ZNF407: variants seen among roughly 807,000 people sequenced by gnomAD.
ZNF407 encodes the protein zinc finger protein 407.
Under a neutral mutation model 131.2 loss-of-function variants are expected in ZNF407, and 17 were observed. The ratio of observed to expected loss-of-function variants is 0.13; its 90% CI spans 0.09 to 0.19. The LOEUF (loss-of-function observed/expected upper bound fraction) is 0.19. Ranked by LOEUF, ZNF407 falls within the 10% of genes least tolerant of loss-of-function variation. The probability of loss-of-function intolerance (pLI) is 1.00; values close to 1 mark genes in which losing one functional copy is unlikely to be tolerated. For missense variants in ZNF407, 2,681 were observed against 2,830.6 expected (o/e 0.95, Z 1.20); for synonymous variants, 1,156 against 1,062.0 (o/e 1.09, Z -1.72).
chr18:75,038,234 T>G (rs925937039), intron 8 of ZNF407, among the ~76,000 whole-genome samples: 2 of 152,234 alleles, frequency 1.3e-5, no homozygotes, highest in Non-Finnish European at 2.9e-5. Flanking sequence ...TTAGATTATT[T>G]AAACCCATGT....
intron 8 of ZNF407, among the ~76,000 whole-genome samples, chr18:75,012,346 T>TAGCAGGCTCTGGGG (rs1972987030): frequency 9.5e-6 from 1 of 105,754 alleles, no homozygotes; most frequent in African/African-American, 3.4e-5. Flanking sequence ...ACATAGTGTA[T>TAGCAGGCTCTGGGG]GTACACATAG....
At position 75,063,459 on chromosome 18, in the gene ZNF407, C is replaced by A. The variant is rs746782697; in HGVS notation, c.5738C>A (p.Ala1913Asp). Reference protein sequence around the residue: ...VHITEDGQVIATSQSGAHVGS... With the variant: ...VHITEDGQVIDTSQSGAHVGS... ...ATCACGGAGGATGGCCAGGTCATCG[C>A]CACGAGTCAGAGCGGGGCACATGTA... Residue 1913 changes from alanine to aspartate, a missense_variant, in exon 9 of 9, where the codon GCC becomes GAC. This residue lies in a region of ZNF407 where 620 missense variants were observed against 583.1 expected (regional missense o/e 1.06). Coordinates refer to ENST00000299687, the MANE Select transcript of ZNF407 (RefSeq NM_017757.3). The surrounding 1 kb of genome is among the most constrained non-coding windows in gnomAD (Gnocchi z 6.6). 1.2e-6 allele frequency: 2 copies of A among 1,606,442 alleles called. No individual in the cohort carries two copies. Among genetic ancestry groups the A allele is most frequent in the African/African-American group, 2.7e-5 (2 of 74,804 alleles).
At chr18:74,745,258 G>T (rs1437906653) in intron 3 of ZNF407, among the ~76,000 whole-genome samples, 1 of 152,060 alleles carries the variant, frequency 6.6e-6, no homozygotes, top group African/African-American at 2.4e-5. Flanking sequence ...GTATTTCTTG[G>T]TATTTAAAAG....
At chr18:74,661,604 G>A (rs13381859) in intron 3 of ZNF407, among the ~76,000 whole-genome samples, 10,363 of 151,872 alleles carry the variant, frequency 0.068, 396 homozygotes, top group African/African-American at 0.11. Context: ...TTTCTCAAAA[G>A]CACATTTTTT....
chr18:74,881,523 G>A (rs932950545), intron 6 of ZNF407, among the ~76,000 whole-genome samples: 19 of 151,732 alleles, frequency 1.3e-4, no homozygotes, highest in African/African-American at 3.9e-4. Context: ...CTAATCACCC[G>A]CCTCCCCATT....
intron 4 of ZNF407, among the ~76,000 whole-genome samples, chr18:74,872,876 G>A (rs1017281471): frequency 6.6e-6 from 1 of 151,714 alleles, no homozygotes; most frequent in African/African-American, 2.4e-5. Flanking sequence ...TGAGATGTGT[G>A]CCTATTTTTC....
At chr18:74,877,099 G>T in intron 4 of ZNF407, 98 bp from the exon 5 acceptor site, 1 of 1,014,044 alleles carries the variant, frequency 9.9e-7, no homozygotes, top group East Asian at 2.4e-5. Flanking sequence ...CAGAGGCTGC[G>T]TGTGCACCGC....
chr18:74,814,928 A>G (rs1970246848), intron 4 of ZNF407, among the ~76,000 whole-genome samples: 2 of 152,102 alleles, frequency 1.3e-5, no homozygotes, highest in Middle Eastern at 3.4e-3. Flanking sequence ...AATTCAAAAT[A>G]TCATATTATA....
At chr18:74,652,138 G>A (rs1369108982) in intron 3 of ZNF407, among the ~76,000 whole-genome samples, 1 of 151,998 alleles carries the variant, frequency 6.6e-6, no homozygotes, top group Non-Finnish European at 1.5e-5. Flanking sequence ...CTTTTAAAGA[G>A]GCTTTTGAAA....
rs746813241 is a variant in ZNF407, at chr18:74,957,172, TCCTACCCTGAGTGCAG to T, written c.5428+36482_5428+36497del. On this transcript the variant is annotated intron_variant, in intron 8 of 8. Transcript: ENST00000299687. ...TGTGGACGTGGGACTCCAGGATGCC[TCCTACCCTGAGTGCAG>T]CTGAAGGTTGCCTTTTCTCATGCCC... 2.5e-3 allele frequency among the ~76,000 whole-genome samples: 381 copies of T among 152,190 alleles called. 1 individual carries two copies. The highest frequency in any genetic ancestry group is 4.7e-3 in the Non-Finnish European group (321 of 67,992).
At chr18:74,805,497 A>G (rs1182741092) in intron 4 of ZNF407, among the ~76,000 whole-genome samples, 3 of 152,234 alleles carry the variant, frequency 2.0e-5, no homozygotes, top group Admixed American at 6.5e-5. Flanking sequence ...CAACATAAGC[A>G]TACTGTTAAA....
intron 4 of ZNF407, among the ~76,000 whole-genome samples, chr18:74,872,871 T>A (rs1332340787): frequency 6.6e-6 from 1 of 152,056 alleles, no homozygotes; most frequent in Non-Finnish European, 1.5e-5. Context: ...ATATGTGAGA[T>A]GTGTGCCTAT....
intron 8 of ZNF407, among the ~76,000 whole-genome samples, chr18:75,008,120 C>T (rs1056748182): frequency 2.6e-5 from 4 of 152,134 alleles, no homozygotes. Flanking sequence ...AATGCCATGC[C>T]AAGGAGTTTA....
In ZNF407 at chr18:74,779,184, C is replaced by T. The variant is rs575391195; in HGVS notation, c.4803-2244C>T. 4.1e-4 allele frequency among the ~76,000 whole-genome samples: 57 copies of T among 137,560 alleles called. No individual in the cohort carries two copies. In the East Asian group the frequency reaches 8.2e-3, roughly 20 times the overall value. 90.2% of individuals were successfully genotyped at this position (137,560 alleles called of 152,430 possible). A position where few individuals can be genotyped will look rare whatever the true frequency, so the allele number is the denominator to read the frequency against. ...AGGCTGGAGTGCAGTGGCGCAATCT[C>T]GGCTCACTGCAAGCTCCGCCTCCCG... On this transcript the variant is annotated intron_variant, in intron 3 of 8. Coordinates refer to ENST00000299687, the MANE Select transcript of ZNF407 (RefSeq NM_017757.3).
chr18:75,021,036 G>A (rs1041984515), intron 8 of ZNF407, among the ~76,000 whole-genome samples: 10 of 152,116 alleles, frequency 6.6e-5, no homozygotes, highest in African/African-American at 2.2e-4. Context: ...ACCAGCCATA[G>A]GAGGTAGATA....
At chr18:74,616,696 TTTGTTG>T (rs1983301764) in intron 1 of ZNF407, among the ~76,000 whole-genome samples, 3 of 151,706 alleles carry the variant, frequency 2.0e-5, no homozygotes, top group Admixed American at 1.3e-4. Context: ...ACCCATTTGC[TTTGTTG>T]TTTCCTCTCA....
At chr18:74,849,206 G>T (rs1275190747) in intron 4 of ZNF407, among the ~76,000 whole-genome samples, 1 of 151,714 alleles carries the variant, frequency 6.6e-6, no homozygotes, top group African/African-American at 2.4e-5. Context: ...AGCCTCCCAA[G>T]TAGCTGGGAT....
intron 3 of ZNF407, among the ~76,000 whole-genome samples, chr18:74,655,849 C>T (rs1301051496): frequency 6.6e-6 from 1 of 151,984 alleles, no homozygotes; most frequent in Non-Finnish European, 1.5e-5. Flanking sequence ...ATGAAAACGT[C>T]GGTTTTGTGT....
intron 4 of ZNF407, among the ~76,000 whole-genome samples, chr18:74,855,745 G>A (rs1030813727): frequency 2.0e-5 from 3 of 152,172 alleles, no homozygotes; most frequent in African/African-American, 4.8e-5. Flanking sequence ...TATAATGCAT[G>A]CAACTTATTG....
Sources: allele counts gnomAD v4.1 joint callset (sites outside exome capture counted in the v4.1 genomes callset), GRCh38; gene constraint gnomAD v4.1.1; regional missense constraint gnomAD v4.1.1; non-coding constraint Gnocchi (gnomAD v3.1); transcripts MANE v1.5; gene names NCBI Gene and HGNC (gene_info 2026-07-23, HGNC 2026-07-21).